EPM2A: variants seen among roughly 807,000 people sequenced by gnomAD.
EPM2A encodes EPM2A glucan phosphatase, laforin.
A neutral mutation model predicts 26.5 loss-of-function variants in EPM2A; 21 were observed. That is an observed-to-expected ratio of 0.79 (90% CI 0.56 to 1.14). The LOEUF is 1.14. Ranked by LOEUF, EPM2A falls within the 50% of genes most tolerant of loss-of-function variation. The pLI, the probability that EPM2A is intolerant of heterozygous loss-of-function variation, is 0.00. For synonymous variants in EPM2A, 217 were observed against 177.6 expected (o/e 1.22, Z -1.76); for missense variants, 458 against 440.8 (o/e 1.04, Z -0.35).
chr6:145,492,961 C>G (rs772835875), intron 4 of EPM2A, among the ~76,000 whole-genome samples: 1 of 152,164 alleles, frequency 6.6e-6, no homozygotes, highest in Non-Finnish European at 1.5e-5. Flanking sequence ...AGGGTGGGAC[C>G]CTCGCCAGGG....
chr6:145,687,552 T>C (rs1367594235), intron 1 of EPM2A, among the ~76,000 whole-genome samples: 1 of 152,174 alleles, frequency 6.6e-6, no homozygotes, highest in Admixed American at 6.5e-5. Flanking sequence ...CTAAGTATAA[T>C]GTACTGTAAG....
At chr6:145,664,374 T>TAAAA (rs1778985081) in intron 2 of EPM2A, among the ~76,000 whole-genome samples, 2 of 122,514 alleles carry the variant, frequency 1.6e-5, no homozygotes, top group South Asian at 5.5e-4. Flanking sequence ...TAGTCTCTGA[T>TAAAA]AAAACAGACT....
intron 4 of EPM2A, among the ~76,000 whole-genome samples, chr6:145,398,426 C>G (rs928810852): frequency 6.6e-6 from 1 of 151,790 alleles, no homozygotes; most frequent in African/African-American, 2.4e-5. Flanking sequence ...TTTCTCATCT[C>G]TTTGTAATTG....
intron 2 of EPM2A, among the ~76,000 whole-genome samples, chr6:145,549,218 T>C (rs1260554080): frequency 6.6e-6 from 1 of 152,140 alleles, no homozygotes; most frequent in Non-Finnish European, 1.5e-5. Flanking sequence ...TCTTGCCCCC[T>C]GCTCAATTCT....
At chr6:145,516,938 A>G (rs1237132768) in intron 2 of EPM2A, among the ~76,000 whole-genome samples, 1 of 152,224 alleles carries the variant, frequency 6.6e-6, no homozygotes, top group African/African-American at 2.4e-5. Context: ...AAGATGTGAA[A>G]ACAACTCAAA....
At chr6:145,482,537 C>T (rs2114734360) in intron 4 of EPM2A, among the ~76,000 whole-genome samples, 1 of 152,062 alleles carries the variant, frequency 6.6e-6, no homozygotes, top group South Asian at 2.1e-4. Flanking sequence ...AAAGTAATTG[C>T]TGCTAGTGTA....
intron 2 of EPM2A, chr6:145,684,617 G>A (rs1005158273): frequency 6.6e-6 from 1 of 152,050 alleles, no homozygotes; most frequent in Admixed American, 6.6e-5. Flanking sequence ...TGCTATCTAT[G>A]TCTTGATAAC....
chr6:145,644,809 C>T (rs1280450973), intron 2 of EPM2A, among the ~76,000 whole-genome samples: 2 of 152,154 alleles, frequency 1.3e-5, no homozygotes, highest in East Asian at 3.9e-4. Flanking sequence ...CTACTACCTA[C>T]CAAGGATGTG....
chr6:145,533,840 C>T (rs1207827089), intron 2 of EPM2A, among the ~76,000 whole-genome samples: 1 of 151,944 alleles, frequency 6.6e-6, no homozygotes, highest in Non-Finnish European at 1.5e-5. Context: ...TATTTGCATG[C>T]TTGTTTATTG....
At chr6:145,450,288 G>C (rs6919307) in intron 4 of EPM2A, among the ~76,000 whole-genome samples, 96,480 of 148,312 alleles carry the variant, frequency 0.65, 32,876 homozygotes, top group East Asian at 0.86. Flanking sequence ...GGGAGGCTGA[G>C]CTTGCAGTGA....
At chr6:145,541,024 TACACACATGC>T (rs1780499589) in intron 2 of EPM2A, among the ~76,000 whole-genome samples, 1 of 152,118 alleles carries the variant, frequency 6.6e-6, no homozygotes, top group South Asian at 2.1e-4. Flanking sequence ...CTCTTTAACA[TACACACATGC>T]ACACACATAC....
intron 2 of EPM2A, among the ~76,000 whole-genome samples, chr6:145,513,134 G>T (rs1399812727): frequency 6.6e-6 from 1 of 151,824 alleles, no homozygotes; most frequent in African/African-American, 2.4e-5. Flanking sequence ...CAGAATTGGA[G>T]AAAATATTGA....
At chr6:145,659,928 T>C (rs1778565628) in intron 2 of EPM2A, among the ~76,000 whole-genome samples, 1 of 152,160 alleles carries the variant, frequency 6.6e-6, no homozygotes, top group South Asian at 2.1e-4. Context: ...TTTTTTAAAA[T>C]CCATAAATAT....
intron 2 of EPM2A, among the ~76,000 whole-genome samples, chr6:145,562,798 G>T (rs915286176): frequency 6.6e-6 from 1 of 151,982 alleles, no homozygotes; most frequent in African/African-American, 2.4e-5. Flanking sequence ...AGTGTTAAAA[G>T]ACTTTTTTGA....
intron 4 of EPM2A, among the ~76,000 whole-genome samples, chr6:145,422,836 G>A (rs923304512): frequency 3.3e-5 from 5 of 151,928 alleles, no homozygotes; most frequent in African/African-American, 1.2e-4. Context: ...TAATCAACAA[G>A]GTAGTATCAA....
chr6:145,410,011 C>T (rs768139397), intron 4 of EPM2A, among the ~76,000 whole-genome samples: 1 of 152,182 alleles, frequency 6.6e-6, no homozygotes, highest in Non-Finnish European at 1.5e-5. Context: ...ATTTCTGCCA[C>T]ACTCTATTGG....
chr6:145,497,172 G>A (rs1407610230), downstream of EPM2A, among the ~76,000 whole-genome samples: 1 of 152,164 alleles, frequency 6.6e-6, no homozygotes, highest in East Asian at 1.9e-4. Context: ...TTGATCTAAA[G>A]GAGCACATTC....
chr6:145,515,397 C>T (rs1487859537), intron 2 of EPM2A, among the ~76,000 whole-genome samples: 2 of 152,146 alleles, frequency 1.3e-5, no homozygotes, highest in Admixed American at 6.5e-5. Context: ...GTTTGGTCTT[C>T]TGTAGTAGAA....
At chr6:145,385,769 A>G (rs1012369993) in intron 4 of EPM2A, among the ~76,000 whole-genome samples, 1 of 152,126 alleles carries the variant, frequency 6.6e-6, no homozygotes, top group Non-Finnish European at 1.5e-5. Context: ...ATGACCATTT[A>G]TTTAATTACC....
Sources: gnomAD v4.1 joint callset for allele counts (sites outside exome capture counted in the v4.1 genomes callset) on GRCh38, gnomAD v4.1.1 for gene constraint, MANE v1.5 for transcripts, NCBI Gene and HGNC (gene_info 2026-07-23, HGNC 2026-07-21) for gene names.